NEGR1: variants seen among roughly 807,000 people sequenced by gnomAD.
NEGR1 encodes neuronal growth regulator 1, also known as IgLON family member 4.
A neutral mutation model predicts 40.9 loss-of-function variants in NEGR1; 10 were observed. The observed-to-expected ratio is 0.24, with a 90% CI of 0.15 to 0.42. The LOEUF (loss-of-function observed/expected upper bound fraction) is 0.42. NEGR1 is among the 10% of genes least tolerant of loss of function. NEGR1 has a pLI of 1.00. For synonymous variants in NEGR1, 185 were observed against 166.8 expected (o/e 1.11, Z -0.84); for missense variants, 352 against 438.9 (o/e 0.80, Z 1.77).
chr1:72,129,558 C>A (rs1049021967), intron 1 of NEGR1, among the ~76,000 whole-genome samples: 2 of 152,064 alleles, frequency 1.3e-5, no homozygotes, highest in African/African-American at 4.8e-5. Context: ...AAGCTACAAA[C>A]AGTAATATTG....
In NEGR1 at chr1:72,200,648, G is replaced by A. The variant is rs185603567; in HGVS notation, c.176+81671C>T. On this transcript the variant is annotated intron_variant, in intron 1 of 6. Coordinates refer to ENST00000357731, the MANE Select transcript of NEGR1 (RefSeq NM_173808.3). Reference sequence around the variant, plus strand: ...ATGTACCCCCAAACCTAAAGTAAAAGTAGAAAAGAAAAGAAAAGTGTCTAA... The same window carrying A: ...ATGTACCCCCAAACCTAAAGTAAAAATAGAAAAGAAAAGAAAAGTGTCTAA... Among the ~76,000 whole-genome samples, 364 of 151,886 alleles carry A rather than the reference G, an allele frequency of 2.4e-3. 2 individuals carry two copies. The highest frequency in any genetic ancestry group is 8.4e-3 in the African/African-American group (347 of 41,478).
intron 6 of NEGR1, among the ~76,000 whole-genome samples, chr1:71,433,165 C>T (rs1646480673): frequency 6.6e-6 from 1 of 152,144 alleles, no homozygotes; most frequent in Admixed American, 6.5e-5. Flanking sequence ...AATGATAATA[C>T]CTTGATCTTG....
chr1:71,930,120 T>TC (rs1349045763), intron 2 of NEGR1, among the ~76,000 whole-genome samples: 1 of 152,192 alleles, frequency 6.6e-6, no homozygotes, highest in Non-Finnish European at 1.5e-5. Context: ...ATCTCCCTGT[T>TC]ATTGGAATGG....
At chr1:71,711,447 G>T (rs1302768734) in intron 3 of NEGR1, among the ~76,000 whole-genome samples, 1 of 121,794 alleles carries the variant, frequency 8.2e-6, no homozygotes, top group Non-Finnish European at 1.6e-5. Context: ...GCAAATTCAG[G>T]AAGACATTCC....
chr1:72,003,174 C>T (rs1646572558), intron 1 of NEGR1, among the ~76,000 whole-genome samples: 1 of 151,792 alleles, frequency 6.6e-6, no homozygotes, highest in African/African-American at 2.4e-5. Flanking sequence ...TGTCCCAGTG[C>T]TTGAGGTTTC....
rs1358532290 is a variant in NEGR1 at position 71,403,413 on chromosome 1, A to G, written c.*4033T>C. 1.3e-5 allele frequency: 2 copies of G among 152,202 alleles called. No individual in the cohort carries two copies. Among genetic ancestry groups the G allele is most frequent in the Admixed American group, 6.6e-5 (1 of 15,262 alleles). 9.4% of individuals were successfully genotyped at this position (152,202 alleles called of 1,614,324 possible). On this transcript the variant is annotated 3_prime_UTR_variant, in exon 7 of 7. Coordinates refer to ENST00000357731, the MANE Select transcript of NEGR1 (RefSeq NM_173808.3). The stretch of plus-strand genomic sequence containing the variant: ...TCAGGATTTTATCAACAGGATATTT[A>G]GTCTCTGTTGCTAACTCTGCTGTAT...
intron 2 of NEGR1, among the ~76,000 whole-genome samples, chr1:71,928,079 T>C (rs376141698): frequency 2.8e-4 from 26 of 91,356 alleles, no homozygotes; most frequent in South Asian, 4.2e-4. Flanking sequence ...CATATGTACA[T>C]ATATGTATAT....
At chr1:71,433,968 A>T (rs965789388) in intron 6 of NEGR1, among the ~76,000 whole-genome samples, 2 of 152,234 alleles carry the variant, frequency 1.3e-5, no homozygotes, top group Non-Finnish European at 2.9e-5. Context: ...TGAGGTTGTT[A>T]AGTCAGTAAT....
At chr1:72,203,773 T>C (rs1305803153) in intron 1 of NEGR1, among the ~76,000 whole-genome samples, 1 of 152,058 alleles carries the variant, frequency 6.6e-6, no homozygotes, top group Non-Finnish European at 1.5e-5. Flanking sequence ...CATTTCTATA[T>C]TAAGTAACCA....
chr1:71,732,492 C>CTG (rs141925137), intron 3 of NEGR1, among the ~76,000 whole-genome samples: 11,394 of 147,002 alleles, frequency 0.078, 489 homozygotes, highest in East Asian at 0.13. Flanking sequence ...TTACTGAATG[C>CTG]TGTGTGTGTG....
At chr1:71,614,886 CA>C (rs763444389) in intron 4 of NEGR1, among the ~76,000 whole-genome samples, 81 of 152,132 alleles carry the variant, frequency 5.3e-4, no homozygotes, top group Non-Finnish European at 1.0e-3. Context: ...GTTAAAGGGA[CA>C]TGATCCTGTT....
intron 4 of NEGR1, among the ~76,000 whole-genome samples, chr1:71,653,718 G>A (rs1183188878): frequency 1.3e-5 from 2 of 152,058 alleles, no homozygotes; most frequent in African/African-American, 4.8e-5. Flanking sequence ...TACTGCTTCT[G>A]TTGATGCTGG....
intron 6 of NEGR1, among the ~76,000 whole-genome samples, chr1:71,455,832 A>G (rs1253021830): frequency 6.6e-6 from 1 of 152,202 alleles, no homozygotes; most frequent in Non-Finnish European, 1.5e-5. Flanking sequence ...GTCTAATTAT[A>G]TACTTGTTTT....
intron 4 of NEGR1, among the ~76,000 whole-genome samples, chr1:71,688,803 C>G (rs536087699): frequency 1.6e-4 from 24 of 152,260 alleles, no homozygotes; most frequent in Non-Finnish European, 3.1e-4. Flanking sequence ...TATTGATACA[C>G]AAAATCATTG....
chr1:72,214,307 A>T (rs892101879), intron 1 of NEGR1, among the ~76,000 whole-genome samples: 4 of 152,260 alleles, frequency 2.6e-5, no homozygotes, highest in African/African-American at 9.6e-5. Flanking sequence ...AACCGGCACA[A>T]GACAAGGATG....
chr1:71,746,561 C>T (rs367829846), intron 3 of NEGR1, among the ~76,000 whole-genome samples: 1 of 147,278 alleles, frequency 6.8e-6, no homozygotes, highest in South Asian at 2.2e-4. Context: ...GAGAAATCTT[C>T]TTTTTTTTTT....
At position 72,083,075 on chromosome 1, in the gene NEGR1, T is replaced by G. The variant is rs538704469; in HGVS notation, c.177-147764A>C. Among the ~76,000 whole-genome samples the G allele has an allele frequency of 5.3e-5, 8 of 152,278 alleles. No individual in the cohort carries two copies. The South Asian group carries it at 1.2e-3, about 24-fold the overall frequency. On this transcript the variant is annotated intron_variant, in intron 1 of 6. Transcript: ENST00000357731. Reference sequence around the variant, plus strand: ...AAATCAATTAAATATCAATACCCCATGATTTTAAAATCTTGGATCAATATT... The same window carrying G: ...AAATCAATTAAATATCAATACCCCAGGATTTTAAAATCTTGGATCAATATT...
intron 1 of NEGR1, among the ~76,000 whole-genome samples, chr1:71,979,262 G>A (rs887931218): frequency 1.5e-4 from 23 of 152,056 alleles, no homozygotes; most frequent in African/African-American, 5.6e-4. Flanking sequence ...TGCGTACTAG[G>A]CTTAGTACCT....
chr1:71,938,660 T>C (rs1645932332), intron 1 of NEGR1, among the ~76,000 whole-genome samples: 1 of 152,020 alleles, frequency 6.6e-6, no homozygotes, highest in Admixed American at 6.6e-5. Flanking sequence ...TTGTACTCTT[T>C]GGGTACCAAC....
Sources: allele counts gnomAD v4.1 joint callset (sites outside exome capture counted in the v4.1 genomes callset), GRCh38; gene constraint gnomAD v4.1.1; transcripts MANE v1.5; gene names NCBI Gene and HGNC (gene_info 2026-07-23, HGNC 2026-07-21).